The following SNX25 variants were observed in gnomAD, a reference collection of about 807,000 sequenced individuals.
The protein encoded by SNX25 is sorting nexin-25.
SNX25 carries 62 observed loss-of-function variants against 113.7 expected under a neutral mutation model. The ratio of observed to expected loss-of-function variants is 0.55; its 90% confidence interval spans 0.44 to 0.67. The LOEUF (loss-of-function observed/expected upper bound fraction) is 0.67. Among genes scored for constraint, SNX25 ranks in the 30% least tolerant of loss-of-function variants. The probability of loss-of-function intolerance (pLI) is 0.00; values close to 1 mark genes in which losing one functional copy is unlikely to be tolerated. For missense variants in SNX25, 1,014 were observed against 1,161.0 expected, an observed-to-expected ratio of 0.87 and a Z score of 1.84; for synonymous variants, 421 against 436.2, an observed-to-expected ratio of 0.97 and a Z score of 0.43.
At chr4:185,331,305 A>G (rs1015534122) in intron 9 of SNX25, among the ~76,000 whole-genome samples, 1 of 152,232 alleles carries the variant, frequency 6.6e-6, no homozygotes, top group Non-Finnish European at 1.5e-5. Flanking sequence ...TAAATTCTCA[A>G]TGCCATTGTT....
downstream of SNX25, chr4:185,374,475 A>AAG: frequency 2.5e-6 from 4 of 1,605,026 alleles, no homozygotes; most frequent in South Asian, 3.4e-5. Context: ...CGACAAAAGA[A>AAG]AGAGCAAAAA....
chr4:185,282,831 G>C (rs1750812777), intron 5 of SNX25, among the ~76,000 whole-genome samples: 1 of 152,164 alleles, frequency 6.6e-6, no homozygotes. Context: ...CAGCCCTCCT[G>C]ATTCTTGAAC....
At chr4:185,356,436 T>TCA (rs1206078165) in intron 15 of SNX25, among the ~76,000 whole-genome samples, 5 of 152,188 alleles carry the variant, frequency 3.3e-5, no homozygotes, top group Non-Finnish European at 7.3e-5. Context: ...ATAGACATGC[T>TCA]CATCCCAGCC....
At chr4:185,216,817 G>A (rs746112692) in intron 1 of SNX25, among the ~76,000 whole-genome samples, 7 of 151,808 alleles carry the variant, frequency 4.6e-5, no homozygotes, top group East Asian at 1.9e-4. Context: ...CACCTCGCCC[G>A]GCCGACAAAA....
the SNX25 span, among the ~76,000 whole-genome samples, chr4:185,376,443 C>CT: frequency 0.16 from 16,612 of 105,660 alleles, 1,769 homozygotes; most frequent in African/African-American, 0.25. Flanking sequence ...TGCCCAGCTA[C>CT]TTTTTTTTTT....
At chr4:185,321,045 A>G (rs2095115757) in intron 8 of SNX25, among the ~76,000 whole-genome samples, 181 bp downstream of exon 8, 1 of 152,134 alleles carries the variant, frequency 6.6e-6, no homozygotes, top group South Asian at 2.1e-4. Context: ...TTTACAGAAG[A>G]TTCTTTTGAA....
intron 10 of SNX25, among the ~76,000 whole-genome samples, chr4:185,338,877 A>G (rs1277363886): frequency 2.0e-5 from 3 of 152,182 alleles, no homozygotes; most frequent in Non-Finnish European, 2.9e-5. Context: ...GTAGCTTTGT[A>G]GTAAGTTTAG....
At chr4:185,214,011 C>G (rs1171940305) in intron 1 of SNX25, among the ~76,000 whole-genome samples, 1 of 151,316 alleles carries the variant, frequency 6.6e-6, no homozygotes, top group South Asian at 2.1e-4. Flanking sequence ...GTGATGTAAC[C>G]GAGTACCCCT....
Position 185,363,123 on chromosome 4 carries a change from G to A in SNX25, c.2935-262G>A, listed in dbSNP as rs948872894. Among the ~76,000 whole-genome samples the A allele has an allele frequency of 5.3e-5, 8 of 152,010 alleles. No individual in the cohort carries two copies. Among genetic ancestry groups the A allele is most frequent in the South Asian group, 2.1e-4 (1 of 4,824 alleles). ...CTCCCAAAGTGCTGGGATTACAGGC[G>A]GGAGCCACCTCGCCCATCCTCCCTT... On this transcript the variant is annotated intron_variant, in intron 18 of 18. Coordinates refer to ENST00000652585, the MANE Select transcript of SNX25 (RefSeq NM_001378034.2). The surrounding 1 kb of genome is among the most constrained non-coding windows in gnomAD (Gnocchi z 4.2).
chr4:185,352,855 G>A (rs948461416), intron 14 of SNX25, among the ~76,000 whole-genome samples: 4 of 152,160 alleles, frequency 2.6e-5, no homozygotes, highest in African/African-American at 7.2e-5. Context: ...AATGTTTGCA[G>A]CTCTGGGACA....
chr4:185,338,610 A>G (rs1239117851), intron 10 of SNX25, among the ~76,000 whole-genome samples: 1 of 152,052 alleles, frequency 6.6e-6, no homozygotes, highest in Non-Finnish European at 1.5e-5. Flanking sequence ...TAAGTTTTAT[A>G]ATTTTTAGCT....
intron 5 of SNX25, among the ~76,000 whole-genome samples, chr4:185,279,354 A>G (rs1750234906): frequency 6.6e-6 from 1 of 152,076 alleles, no homozygotes; most frequent in Non-Finnish European, 1.5e-5. Context: ...GTTCTGTTCA[A>G]ATATAATTTT....
chr4:185,351,898 C>T (rs769107956), intron 14 of SNX25, among the ~76,000 whole-genome samples: 4 of 128,282 alleles, frequency 3.1e-5, no homozygotes, highest in African/African-American at 9.8e-5. Context: ...AAGTGCGGGC[C>T]GTCATTGCGG....
chr4:185,318,354 G>A (rs373285479), intron 7 of SNX25, among the ~76,000 whole-genome samples: 4 of 152,026 alleles, frequency 2.6e-5, no homozygotes, highest in Admixed American at 6.6e-5. Flanking sequence ...TCATTGTCAC[G>A]AATTATTATG....
At chr4:185,281,872 C>T (rs758988585) in intron 5 of SNX25, among the ~76,000 whole-genome samples, 5 of 151,902 alleles carry the variant, frequency 3.3e-5, no homozygotes, top group South Asian at 4.2e-4. Context: ...AAAAATTAGC[C>T]GGGTATGGTC....
chr4:185,229,770 C>T (rs1277344926), intron 1 of SNX25, among the ~76,000 whole-genome samples: 5 of 152,250 alleles, frequency 3.3e-5, no homozygotes, highest in African/African-American at 1.2e-4. Context: ...GTTTATTTAT[C>T]GCCTCTACAT....
At chr4:185,338,914 T>G (rs1371131890) in intron 10 of SNX25, among the ~76,000 whole-genome samples, 1 of 152,208 alleles carries the variant, frequency 6.6e-6, no homozygotes, top group Non-Finnish European at 1.5e-5. Flanking sequence ...GTCCTCCAAC[T>G]TCGTTCTCTT....
chr4:185,330,712 A>G (rs141149276), intron 9 of SNX25, among the ~76,000 whole-genome samples: 1 of 152,216 alleles, frequency 6.6e-6, no homozygotes, highest in African/African-American at 2.4e-5. Context: ...CTGAGGACTC[A>G]AGTGCTTGCT....
At chr4:185,234,198 A>G (rs909081009) in intron 1 of SNX25, among the ~76,000 whole-genome samples, 2 of 152,126 alleles carry the variant, frequency 1.3e-5, no homozygotes, top group Non-Finnish European at 1.5e-5. Flanking sequence ...ATCTACTTCT[A>G]TTGATCACTT....
Sources: gnomAD v4.1 joint callset for allele counts (sites outside exome capture counted in the v4.1 genomes callset) on GRCh38, gnomAD v4.1.1 for gene constraint, Gnocchi (gnomAD v3.1) non-coding constraint, MANE v1.5 for transcripts, NCBI Gene and HGNC (gene_info 2026-07-23, HGNC 2026-07-21) for gene names.